Variants in RUNX1T1 observed in about 807,000 individuals in gnomAD.
The protein encoded by RUNX1T1 is protein CBFA2T1.
In RUNX1T1, 4 loss-of-function variants were observed where a neutral mutation model predicts 62.8. The observed-to-expected ratio is 0.06, with a 90% CI of 0.03 to 0.15. The LOEUF (loss-of-function observed/expected upper bound fraction) is 0.15, where lower values mean the gene tolerates loss of function less well. Among genes scored for constraint, RUNX1T1 ranks in the 10% least tolerant of loss-of-function variants. The pLI, the probability that RUNX1T1 is intolerant of heterozygous loss-of-function variation, is 1.00. For missense variants in RUNX1T1, 508 were observed against 754.3 expected (o/e 0.67, Z 3.82); for synonymous variants, 291 against 286.0 (o/e 1.02, Z -0.18).
At position 92,028,603 on chromosome 8, in the gene RUNX1T1, G is replaced by A. The variant is rs546855635; in HGVS notation, c.8-11240C>T. ...TCCAGGTTAATCTGACTTACACCCT[G>A]GTGTTCTATTTAAGATCTCATTTAA... On this transcript the variant is annotated intron_variant, in intron 1 of 10. Transcript: ENST00000396218. 3.4e-4 allele frequency among the ~76,000 whole-genome samples: 51 copies of A among 152,194 alleles called. No individual in the cohort carries two copies. In the East Asian group the frequency reaches 9.1e-3, roughly 27 times the overall value.
chr8:92,046,535 T>G (rs1399325809), intron 1 of RUNX1T1, among the ~76,000 whole-genome samples: 3 of 152,068 alleles, frequency 2.0e-5, no homozygotes, highest in Admixed American at 1.3e-4. Flanking sequence ...CACCAATTTC[T>G]TTATTTTTAG....
chr8:92,026,024 T>A (rs1417153023), intron 1 of RUNX1T1, among the ~76,000 whole-genome samples: 7 of 152,244 alleles, frequency 4.6e-5, no homozygotes, highest in African/African-American at 1.7e-4. Context: ...AGTGTAGTCA[T>A]ACATGTACAC....
rs555601464 is a variant in RUNX1T1 at position 92,051,746 on chromosome 8, G to C, written c.7+10800C>G. On this transcript the variant is annotated intron_variant, in intron 1 of 10. Transcript: ENST00000396218. The stretch of plus-strand genomic sequence containing the variant: ...TTCTGAAAGAGAGGATGCCTCAATT[G>C]GTATGCAAGGGATGTTTCCTCCCCC... Among the ~76,000 whole-genome samples, 5 of 152,056 alleles carry C rather than the reference G, an allele frequency of 3.3e-5. No homozygotes were observed. The East Asian group carries it at 7.8e-4, about 24-fold the overall frequency.
At chr8:91,958,749 A>C (rs1426834212), downstream of RUNX1T1, 2 of 154,398 alleles carry the variant, frequency 1.3e-5, no homozygotes, top group Non-Finnish European at 2.7e-5. Context: ...AAAAAAAAAC[A>C]AAAAGCATGC....
intron 10 of RUNX1T1, among the ~76,000 whole-genome samples, chr8:91,970,043 T>TGTGTGTGTGTGTGTGTGTTGTG (rs11374252): frequency 7.0e-5 from 10 of 142,810 alleles, no homozygotes; most frequent in African/African-American, 2.6e-4. Flanking sequence ...TGTGTGTGTG[T>TGTGTGTGTGTGTGTGTGTTGTG]TGTGTGTGTG....
intron 1 of RUNX1T1, among the ~76,000 whole-genome samples, chr8:92,028,432 C>T (rs985703057): frequency 6.6e-6 from 1 of 152,090 alleles, no homozygotes; most frequent in African/African-American, 2.4e-5. Flanking sequence ...CACCTTTATT[C>T]CAGTGACTCT....
At chr8:91,987,874 T>C (rs1453327775) in intron 6 of RUNX1T1, among the ~76,000 whole-genome samples, 3 of 152,158 alleles carry the variant, frequency 2.0e-5, no homozygotes. Flanking sequence ...GTGGCATTAT[T>C]TTGCATTTTA....
At chr8:92,073,109 C>T (rs1349273139) in intron 2 of RUNX1T1, among the ~76,000 whole-genome samples, 1 of 152,148 alleles carries the variant, frequency 6.6e-6, no homozygotes, top group Admixed American at 6.5e-5. Flanking sequence ...AAATACTACA[C>T]CCTTCTTAGA....
intron 9 of RUNX1T1, among the ~76,000 whole-genome samples, chr8:91,972,802 C>T (rs748828323): frequency 2.6e-5 from 4 of 152,012 alleles, no homozygotes; most frequent in African/African-American, 4.8e-5. Flanking sequence ...TTGCAAGGTG[C>T]TTGAATATTT....
downstream of RUNX1T1, chr8:91,958,877 G>T: frequency 5.4e-6 from 1 of 184,660 alleles, no homozygotes; most frequent in Non-Finnish European, 1.1e-5. Flanking sequence ...AATCCTATAA[G>T]AGAGTGAAAT....
chr8:92,062,891 T>C, exon 1 of RUNX1T1: 1 of 1,345,710 alleles, frequency 7.4e-7, no homozygotes, highest in South Asian at 1.6e-5. Context: ...CACCTCTCTC[T>C]GCAAGTTTCA....
At chr8:92,097,528 A>T (rs939611526) in intron 1 of RUNX1T1, among the ~76,000 whole-genome samples, 2 of 152,100 alleles carry the variant, frequency 1.3e-5, no homozygotes, top group Non-Finnish European at 1.5e-5. Context: ...ACACCTAAAA[A>T]TCCAAGAAAA....
chr8:91,967,891 A>G (rs1410065751), intron 10 of RUNX1T1, among the ~76,000 whole-genome samples: 1 of 152,174 alleles, frequency 6.6e-6, no homozygotes, highest in Non-Finnish European at 1.5e-5. Context: ...AGGAAAGAAT[A>G]TTGTTTCAGT....
intron 1 of RUNX1T1, among the ~76,000 whole-genome samples, chr8:92,040,892 A>C (rs894928303): frequency 6.6e-6 from 1 of 151,922 alleles, no homozygotes; most frequent in African/African-American, 2.4e-5. Flanking sequence ...TTTTTTTTTC[A>C]AATACGAGGT....
exon 5 of RUNX1T1, chr8:92,005,284 A>T (rs954080470): frequency 6.2e-7 from 1 of 1,611,918 alleles, no homozygotes; most frequent in Non-Finnish European, 8.5e-7. Context: ...ACGCTGCAGC[A>T]GGGGCAAGTT....
At chr8:92,008,023 T>C (rs928266309) in intron 4 of RUNX1T1, among the ~76,000 whole-genome samples, 2 of 150,124 alleles carry the variant, frequency 1.3e-5, no homozygotes, top group Admixed American at 6.6e-5. Context: ...AATAAAAATA[T>C]GATTTATAAT....
intron 1 of RUNX1T1, among the ~76,000 whole-genome samples, chr8:92,020,825 C>CTT (rs372324370): frequency 0.012 from 1,629 of 130,642 alleles, 38 homozygotes; most frequent in African/African-American, 0.042. Flanking sequence ...TTCCCATTTC[C>CTT]TTTTTTTTTT....
intron 5 of RUNX1T1, chr8:92,003,394 G>T (rs1173588452): frequency 2.2e-6 from 1 of 456,142 alleles, no homozygotes; most frequent in East Asian, 6.9e-5. Flanking sequence ...GAAATACAGA[G>T]AAATGAATGA....
chr8:91,982,245 A>AAG, intron 8 of RUNX1T1, among the ~76,000 whole-genome samples: 1 of 151,954 alleles, frequency 6.6e-6, no homozygotes, highest in East Asian at 1.9e-4. Context: ...TCAAAAAAAA[A>AAG]AAAAAAAAAA....
Sources: allele counts gnomAD v4.1 joint callset (sites outside exome capture counted in the v4.1 genomes callset), GRCh38; gene constraint gnomAD v4.1.1; transcripts MANE v1.5; gene names NCBI Gene and HGNC (gene_info 2026-07-23, HGNC 2026-07-21).